Variants in KAZN observed in about 807,000 individuals in gnomAD.
KAZN encodes the protein kazrin.
A neutral mutation model predicts 87.4 loss-of-function variants in KAZN; 40 were observed. The ratio of observed to expected loss-of-function variants is 0.46; its 90% CI spans 0.36 to 0.60. The LOEUF is 0.60. KAZN is among the 20% of genes least tolerant of loss of function. The pLI, the probability that KAZN is intolerant of heterozygous loss-of-function variation, is 0.00. For missense variants in KAZN, 898 were observed against 1,073.9 expected (o/e 0.84, Z 2.29); for synonymous variants, 466 against 458.3 (o/e 1.02, Z -0.22).
At chr1:14,494,180 A>T (rs1669821357) in intron 2 of KAZN, among the ~76,000 whole-genome samples, 2 of 152,218 alleles carry the variant, frequency 1.3e-5, no homozygotes, top group Admixed American at 6.5e-5. Context: ...AGCAGCCCAG[A>T]GCCAGCAAGT....
intron 1 of KAZN, among the ~76,000 whole-genome samples, chr1:13,987,633 A>T (rs1247783432): frequency 1.3e-5 from 2 of 152,218 alleles, no homozygotes; most frequent in South Asian, 2.1e-4. Context: ...TTGTGTCATC[A>T]TATGGCACAA....
In KAZN at chr1:14,034,032, C is replaced by T. The variant is rs80210092; in HGVS notation, c.91+140276C>T. ...ACGTCTAGCCTGGAACAATGTTGGG[C>T]GCAGCAAGGCTGTTGTGCCTTTGAT... On this transcript the variant is annotated intron_variant, in intron 1 of 16. Coordinates refer to the KAZN transcript ENST00000636203. Among the ~76,000 whole-genome samples, 466 of 152,290 alleles carry T rather than the reference C, an allele frequency of 3.1e-3. 3 individuals are homozygous for T. The highest frequency in any genetic ancestry group is 0.01 in the African/African-American group (432 of 41,564).
rs184805448 is a variant in KAZN, at chr1:14,723,200, T to A, written c.226+123977T>A. On this transcript the variant is annotated intron_variant, in intron 1 of 14. Coordinates refer to ENST00000376030, the MANE Select transcript of KAZN (RefSeq NM_201628.3). ...CTGCGGCTGCACCATAGTCAAGGGG[T>A]GCATCTTCCAATGTTGACCTATTGC... Among the ~76,000 whole-genome samples the A allele has an allele frequency of 4.2e-3, 633 of 152,146 alleles. 11 individuals carry two copies. Among genetic ancestry groups the A allele is most frequent in the African/African-American group, 0.015 (613 of 41,520 alleles).
intron 1 of KAZN, among the ~76,000 whole-genome samples, chr1:14,755,982 C>T (rs1481338649): frequency 2.6e-5 from 4 of 152,192 alleles, no homozygotes; most frequent in African/African-American, 9.6e-5. Context: ...ACCAAGGACT[C>T]TGCACAAACT....
chr1:14,083,588 G>A (rs777552539), intron 1 of KAZN, among the ~76,000 whole-genome samples: 4 of 152,186 alleles, frequency 2.6e-5, no homozygotes, highest in Non-Finnish European at 4.4e-5. Context: ...CATCTTTATT[G>A]TGCTTTCAGG....
chr1:14,143,852 G>T (rs1402248323), intron 1 of KAZN, among the ~76,000 whole-genome samples: 1 of 151,972 alleles, frequency 6.6e-6, no homozygotes, highest in Non-Finnish European at 1.5e-5. Context: ...CAAATAGCTG[G>T]GAGCACAAGC....
At chr1:14,349,686 T>A (rs773341967) in intron 2 of KAZN, among the ~76,000 whole-genome samples, 13 of 152,208 alleles carry the variant, frequency 8.5e-5, no homozygotes, top group Non-Finnish European at 1.0e-4. Flanking sequence ...AGCCCTACAG[T>A]GAAAATGAGC....
At chr1:15,044,977 C>A (rs1018619664) in intron 4 of KAZN, among the ~76,000 whole-genome samples, 3 of 152,120 alleles carry the variant, frequency 2.0e-5, no homozygotes, top group Admixed American at 1.3e-4. Context: ...CCTCAAAATA[C>A]TTCCAGACAC....
At chr1:14,541,923 G>A (rs1443517355) in intron 2 of KAZN, among the ~76,000 whole-genome samples, 1 of 152,150 alleles carries the variant, frequency 6.6e-6, no homozygotes, top group Admixed American at 6.5e-5. Context: ...CCACTTACTC[G>A]CCTTGACAGC....
chr1:14,886,086 T>C (rs1344245677), intron 1 of KAZN, among the ~76,000 whole-genome samples: 1 of 152,066 alleles, frequency 6.6e-6, no homozygotes, highest in Admixed American at 6.5e-5. Flanking sequence ...AAATGCCTTA[T>C]GGGGTACAAA....
intron 1 of KAZN, among the ~76,000 whole-genome samples, chr1:14,846,530 A>G (rs915322533): frequency 1.3e-5 from 2 of 152,156 alleles, no homozygotes; most frequent in East Asian, 3.9e-4. Flanking sequence ...AAAAACCTAG[A>G]TATGGAATCT....
rs773105465 is a variant in KAZN at position 14,441,985 on chromosome 1, G to C, written c.250-156998G>C. ...CTACCCAGGGCTGCCATGTAGGGTTGAGCAGGTTGTGCACTACACAAGGGA... is the reference window on the plus strand; with the variant it reads ...CTACCCAGGGCTGCCATGTAGGGTTCAGCAGGTTGTGCACTACACAAGGGA... On this transcript the variant is annotated intron_variant, in intron 2 of 16. Coordinates refer to the KAZN transcript ENST00000636203. Among the ~76,000 whole-genome samples, 4 of 152,284 alleles carry C rather than the reference G, an allele frequency of 2.6e-5. No homozygotes were observed. In the East Asian group the frequency reaches 7.7e-4, roughly 29 times the overall value.
intron 11 of KAZN, among the ~76,000 whole-genome samples, chr1:15,102,202 C>A (rs1398293339): frequency 6.6e-6 from 1 of 151,848 alleles, no homozygotes; most frequent in African/African-American, 2.4e-5. Context: ...ACTATGTATA[C>A]CCACAAAAAT....
chr1:14,774,877 C>T (rs771671784), intron 1 of KAZN, among the ~76,000 whole-genome samples: 1 of 152,154 alleles, frequency 6.6e-6, no homozygotes, highest in Non-Finnish European at 1.5e-5. Flanking sequence ...TGGAAAGTTC[C>T]CTGACATCCC....
At chr1:14,132,093 T>C (rs1272851235) in intron 1 of KAZN, among the ~76,000 whole-genome samples, 1 of 152,070 alleles carries the variant, frequency 6.6e-6, no homozygotes, top group Non-Finnish European at 1.5e-5. Flanking sequence ...ATGAAACTGG[T>C]TACTGCTATG....
At position 14,769,383 on chromosome 1, in the gene KAZN, G is replaced by A. The variant is rs905919694; in HGVS notation, c.226+170160G>A. On this transcript the variant is annotated intron_variant, in intron 1 of 14. Coordinates refer to ENST00000376030, the MANE Select transcript of KAZN (RefSeq NM_201628.3). The surrounding 1 kb of genome is among the most constrained non-coding windows in gnomAD (Gnocchi z 4.1). ...TTTTTTCTTTTCTTGAGACGGAGTC[G>A]TGCTCTCGTTGCCCAGGCTGGAGTG... Among the ~76,000 whole-genome samples, 24 of 152,148 alleles carry A rather than the reference G, an allele frequency of 1.6e-4. No homozygotes were observed. Among genetic ancestry groups the A allele is most frequent in the East Asian group, 5.8e-4 (3 of 5,170 alleles).
At chr1:14,455,267 CCTGA>C (rs1326346938) in intron 2 of KAZN, among the ~76,000 whole-genome samples, 3 of 152,206 alleles carry the variant, frequency 2.0e-5, no homozygotes, top group East Asian at 3.8e-4. Flanking sequence ...CTAACCATGT[CCTGA>C]GAGTATCATC....
chr1:14,428,232 G>C (rs1056888908), intron 2 of KAZN, among the ~76,000 whole-genome samples: 2 of 152,154 alleles, frequency 1.3e-5, no homozygotes, highest in Non-Finnish European at 2.9e-5. Flanking sequence ...TAGCTCAGGA[G>C]TTTGGGTTAC....
At chr1:14,325,565 A>G (rs1030092529) in intron 2 of KAZN, among the ~76,000 whole-genome samples, 2 of 152,316 alleles carry the variant, frequency 1.3e-5, no homozygotes, top group African/African-American at 2.4e-5. Flanking sequence ...AGGCAAAAGA[A>G]TATTCAAAAA....
Sources: gnomAD v4.1 joint callset for allele counts (sites outside exome capture counted in the v4.1 genomes callset) on GRCh38, gnomAD v4.1.1 for gene constraint, Gnocchi (gnomAD v3.1) non-coding constraint, MANE v1.5 for transcripts, NCBI Gene and HGNC (gene_info 2026-07-23, HGNC 2026-07-21) for gene names.